Variants in PXDNL observed in about 807,000 individuals in gnomAD.
The protein encoded by PXDNL is peroxidasin like.
A neutral mutation model predicts 150.8 loss-of-function variants in PXDNL; 145 were observed. The observed-to-expected ratio is 0.96, with a 90% CI of 0.84 to 1.10. PXDNL has a LOEUF of 1.10. Ranked by LOEUF, PXDNL falls within the 50% of genes least tolerant of loss-of-function variation. The pLI, the probability that PXDNL is intolerant of heterozygous loss-of-function variation, is 0.00. For missense variants in PXDNL, 2,087 were observed against 1,873.9 expected (o/e 1.11, Z -2.10); for synonymous variants, 757 against 725.7 (o/e 1.04, Z -0.69).
intron 5 of PXDNL, among the ~76,000 whole-genome samples, chr8:51,492,107 C>G (rs957347491): frequency 1.3e-5 from 2 of 152,216 alleles, no homozygotes; most frequent in Non-Finnish European, 2.9e-5. Flanking sequence ...TTGACTGGCT[C>G]TTCTTAGCCT....
chr8:51,775,239 C>T (rs2037339714), intron 1 of PXDNL, among the ~76,000 whole-genome samples: 1 of 152,102 alleles, frequency 6.6e-6, no homozygotes, highest in South Asian at 2.1e-4. Context: ...AGAGTGAAAA[C>T]AAAGCTAATG....
In PXDNL at chr8:51,408,921, C is replaced by A. The variant is rs1391880640; in HGVS notation, c.2703G>T (p.Gly901=). The change falls in exon 17 of 23, where the codon GGG becomes GGT. Residue 901 remains glycine (G), a synonymous_variant. Coordinates refer to ENST00000356297, the MANE Select transcript of PXDNL (RefSeq NM_144651.5). The part of the protein sequence containing the change: ...TAYIDGSNVY[G]SSERESQALR... ...GAGCCTGGGATTCCCGCTCCGAGCTCCCGTAAACGTTGGAGCCATCGATGT... is the reference window on the plus strand; with the variant it reads ...GAGCCTGGGATTCCCGCTCCGAGCTACCGTAAACGTTGGAGCCATCGATGT... 1 of 1,611,950 alleles carries A rather than the reference C, an allele frequency of 6.2e-7. No homozygotes were observed. Among genetic ancestry groups the A allele is most frequent in the Non-Finnish European group, 8.5e-7 (1 of 1,179,316 alleles).
chr8:51,788,130 C>T (rs72642994), intron 1 of PXDNL, among the ~76,000 whole-genome samples: 4,626 of 152,308 alleles, frequency 0.03, 94 homozygotes, highest in Non-Finnish European at 0.045. Flanking sequence ...ATATATCCTG[C>T]AAAACCAAAA....
intron 1 of PXDNL, among the ~76,000 whole-genome samples, chr8:51,669,001 A>AT (rs1815444537): frequency 6.6e-6 from 1 of 152,218 alleles, no homozygotes; most frequent in South Asian, 2.1e-4. Context: ...TAAAATAAGT[A>AT]TCATTAAAAA....
intron 1 of PXDNL, among the ~76,000 whole-genome samples, chr8:51,706,600 C>A (rs1055420016): frequency 1.3e-5 from 2 of 152,036 alleles, no homozygotes; most frequent in African/African-American, 4.8e-5. Flanking sequence ...TAATCATTTT[C>A]TTATGCAAAT....
intron 10 of PXDNL, among the ~76,000 whole-genome samples, chr8:51,452,319 A>G (rs958121471): frequency 6.6e-6 from 1 of 152,246 alleles, no homozygotes; most frequent in East Asian, 1.9e-4. Flanking sequence ...TTCCCCCAGA[A>G]GTTACCAAAG....
At chr8:51,674,576 A>G (rs1388185843) in intron 1 of PXDNL, among the ~76,000 whole-genome samples, 1 of 152,240 alleles carries the variant, frequency 6.6e-6, no homozygotes, top group Middle Eastern at 3.2e-3. Context: ...AATGGGTTAT[A>G]TCATGAGTTT....
In PXDNL at chr8:51,476,458, T is replaced by C. The variant is rs117701633; in HGVS notation, c.525-1317A>G. ...CTCTGGAATTGCTACATGTAGACTG[T>C]AACAGGAAGGCGATGGCTCTTTTCA... On this transcript the variant is annotated intron_variant, in intron 6 of 22. Coordinates refer to ENST00000356297, the MANE Select transcript of PXDNL (RefSeq NM_144651.5). 2.0e-5 allele frequency among the ~76,000 whole-genome samples: 3 copies of C among 152,316 alleles called. No homozygotes were observed. In the East Asian group the frequency reaches 5.8e-4, roughly 29 times the overall value.
At chr8:51,366,050 C>T (rs115411306) in intron 19 of PXDNL, among the ~76,000 whole-genome samples, 4,817 of 152,260 alleles carry the variant, frequency 0.032, 205 homozygotes, top group African/African-American at 0.094. Context: ...AATTACTTGA[C>T]ATTTACGATG....
At chr8:51,735,983 C>A (rs1156522819) in intron 1 of PXDNL, among the ~76,000 whole-genome samples, 1 of 152,208 alleles carries the variant, frequency 6.6e-6, no homozygotes, top group Non-Finnish European at 1.5e-5. Flanking sequence ...TACCACCACA[C>A]CGTAAACCTA....
At chr8:51,433,883 A>G (rs1586103206) in intron 12 of PXDNL, among the ~76,000 whole-genome samples, 1 of 152,272 alleles carries the variant, frequency 6.6e-6, no homozygotes, top group East Asian at 1.9e-4. Context: ...ATTTAATTGT[A>G]TAATTTTATT....
chr8:51,573,099 A>C (rs77600891), intron 3 of PXDNL, among the ~76,000 whole-genome samples: 6,665 of 152,118 alleles, frequency 0.044, 320 homozygotes, highest in African/African-American at 0.12. Flanking sequence ...AAGTCTAGCA[A>C]GACAGAAAAC....
intron 19 of PXDNL, among the ~76,000 whole-genome samples, chr8:51,360,186 T>C (rs1806675829): frequency 6.6e-6 from 1 of 152,144 alleles, no homozygotes; most frequent in Non-Finnish European, 1.5e-5. Context: ...CATTCACGTA[T>C]ACACTTTTGT....
intron 1 of PXDNL, among the ~76,000 whole-genome samples, chr8:51,735,001 A>C (rs1355105935): frequency 1.3e-5 from 2 of 152,248 alleles, no homozygotes; most frequent in Non-Finnish European, 2.9e-5. Flanking sequence ...GACTATGGTT[A>C]ATAACAACAT....
intron 3 of PXDNL, among the ~76,000 whole-genome samples, chr8:51,580,378 T>TA (rs1375648991): frequency 1.3e-5 from 2 of 152,166 alleles, no homozygotes; most frequent in Non-Finnish European, 2.9e-5. Context: ...TATCTCAGAA[T>TA]AAAACATTTT....
intron 19 of PXDNL, among the ~76,000 whole-genome samples, chr8:51,369,210 A>T (rs1192384952): frequency 1.3e-5 from 2 of 152,108 alleles, no homozygotes; most frequent in Non-Finnish European, 2.9e-5. Context: ...GGTCTCAGGG[A>T]TGGACTCAAT....
At position 51,716,602 on chromosome 8, in the gene PXDNL, A is replaced by G. The variant is rs149709592; in HGVS notation, c.165-61842T>C. Among the ~76,000 whole-genome samples, 185 of 152,354 alleles carry G rather than the reference A, an allele frequency of 1.2e-3. 1 individual carries two copies. The highest frequency in any genetic ancestry group is 2.0e-3 in the Non-Finnish European group (136 of 68,036). On this transcript the variant is annotated intron_variant, in intron 1 of 22. Coordinates refer to ENST00000356297, the MANE Select transcript of PXDNL (RefSeq NM_144651.5). ...AAGACATTTTAGAATCCATAAGGAT[A>G]ATAGTGTAAGAGCTCCAAACGTGTG...
chr8:51,808,030 TAATG>T (rs2037695907), intron 1 of PXDNL, among the ~76,000 whole-genome samples: 1 of 152,200 alleles, frequency 6.6e-6, no homozygotes, highest in Admixed American at 6.5e-5. Flanking sequence ...CATATAAAAT[TAATG>T]AAATGCTTTA....
intron 17 of PXDNL, among the ~76,000 whole-genome samples, chr8:51,399,726 C>T (rs1808191278): frequency 6.6e-6 from 1 of 152,154 alleles, no homozygotes; most frequent in South Asian, 2.1e-4. Context: ...TACCACATGC[C>T]ACTTTTGATA....
Sources: gnomAD v4.1 joint callset for allele counts (sites outside exome capture counted in the v4.1 genomes callset) on GRCh38, gnomAD v4.1.1 for gene constraint, MANE v1.5 for transcripts, NCBI Gene and HGNC (gene_info 2026-07-23, HGNC 2026-07-21) for gene names.